The following MED30 variants were observed in gnomAD, a reference collection of about 807,000 sequenced individuals.
The protein encoded by MED30 is mediator complex subunit 30.
MED30 carries 8 observed loss-of-function variants against 21.7 expected under a neutral mutation model. The ratio of observed to expected loss-of-function variants is 0.37; its 90% CI spans 0.22 to 0.67. The LOEUF is 0.67. Ranked by LOEUF, MED30 falls within the 30% of genes least tolerant of loss-of-function variation. MED30 has a pLI of 0.58. For missense variants in MED30, 203 were observed against 228.2 expected (o/e 0.89, Z 0.71); for synonymous variants, 79 against 86.7 (o/e 0.91, Z 0.49).
chr8:117,524,261 A>G (rs1311418639), intron 1 of MED30, among the ~76,000 whole-genome samples: 1 of 152,136 alleles, frequency 6.6e-6, no homozygotes, highest in Non-Finnish European at 1.5e-5. Context: ...ATTCTTAACT[A>G]TATATAACCT....
intron 1 of MED30, among the ~76,000 whole-genome samples, chr8:117,524,721 A>G (rs1818693162): frequency 6.6e-6 from 1 of 152,184 alleles, no homozygotes; most frequent in Admixed American, 6.5e-5. Context: ...TCCTCTCCAC[A>G]GGCAGTGATT....
intron 1 of MED30, among the ~76,000 whole-genome samples, chr8:117,525,227 T>C (rs988409108): frequency 1.3e-5 from 2 of 152,154 alleles, no homozygotes; most frequent in South Asian, 2.1e-4. Context: ...AGGTGAAAAT[T>C]CTACTTTACA....
In MED30 at chr8:117,520,872, G is replaced by T; in HGVS notation, c.-5G>T. ...CCCCTTCCGGCCTGAAGCTGCAGCC[G>T]CGCCATGTCCACCCCTCCGTTGGCC... On this transcript the variant is annotated 5_prime_UTR_variant, in exon 1 of 4. Transcript: ENST00000297347. 1 of 1,585,668 alleles carries T rather than the reference G, an allele frequency of 6.3e-7. No homozygotes were observed. The highest frequency in any genetic ancestry group is 1.3e-5 in the African/African-American group (1 of 74,222).
intron 1 of MED30, among the ~76,000 whole-genome samples, chr8:117,527,903 G>A (rs890794053): frequency 2.6e-5 from 4 of 151,778 alleles, no homozygotes; most frequent in Admixed American, 2.0e-4. Flanking sequence ...GCAATGCAAA[G>A]TACATATTTA....
chr8:117,528,555 G>A, intron 1 of MED30, 96 bp from the exon 2 acceptor site: 3 of 1,074,754 alleles, frequency 2.8e-6, no homozygotes, highest in Non-Finnish European at 4.0e-6. Flanking sequence ...TCTATGCATT[G>A]CCTAAAAATT....
At chr8:117,523,413 T>C (rs1368712131) in intron 1 of MED30, 2 of 1,560,418 alleles carry the variant, frequency 1.3e-6, no homozygotes, top group African/African-American at 2.7e-5. Context: ...CTCTTGTGAG[T>C]CTTGCAGGTC....
At chr8:117,536,589 A>G (rs1198762947) in intron 3 of MED30, among the ~76,000 whole-genome samples, 1 of 152,244 alleles carries the variant, frequency 6.6e-6, no homozygotes, top group Non-Finnish European at 1.5e-5. Flanking sequence ...TAACAATACA[A>G]AAACCACCAA....
intron 1 of MED30, 32 bp from the exon 2 acceptor site, chr8:117,528,619 T>G: frequency 2.0e-6 from 3 of 1,528,694 alleles, no homozygotes; most frequent in Non-Finnish European, 2.6e-6. Flanking sequence ...TTTCATTACT[T>G]GATATTTTTA....
rs118078814 is a variant in MED30 at position 117,529,791 on chromosome 8, G to A, written c.337-932G>A. On this transcript the variant is annotated intron_variant, in intron 2 of 3. Transcript: ENST00000297347. ...ATAAAGGAAGAAAGCTGTAGGGAGA[G>A]GTTGAGAGAAAGGTGTATAAATAAT... 8.3e-3 allele frequency among the ~76,000 whole-genome samples: 1,269 copies of A among 151,980 alleles called. 7 individuals carry two copies. Among genetic ancestry groups the A allele is most frequent in the Admixed American group, 0.012 (187 of 15,260 alleles).
At chr8:117,536,815 G>A (rs1392123653) in intron 3 of MED30, among the ~76,000 whole-genome samples, 1 of 152,222 alleles carries the variant, frequency 6.6e-6, no homozygotes, top group Non-Finnish European at 1.5e-5. Flanking sequence ...GTGCAGGGGT[G>A]TCCAATCTTT....
At chr8:117,532,630 A>C (rs960988177) in intron 3 of MED30, among the ~76,000 whole-genome samples, 36 of 152,050 alleles carry the variant, frequency 2.4e-4, no homozygotes, top group South Asian at 2.1e-4. Context: ...TAAGACCTGC[A>C]AAACAAAATA....
chr8:117,525,432 T>TA (rs1052952320), intron 1 of MED30, among the ~76,000 whole-genome samples: 8 of 151,802 alleles, frequency 5.3e-5, no homozygotes, highest in African/African-American at 1.9e-4. Flanking sequence ...TGATACAACT[T>TA]AAAGTTATTT....
rs552492626 is a variant in MED30, at chr8:117,522,363, A to G, written c.177+1310A>G. 1.5e-4 allele frequency among the ~76,000 whole-genome samples: 23 copies of G among 152,316 alleles called. 1 individual carries two copies. In the South Asian group the frequency reaches 4.4e-3, roughly 29 times the overall value. ...TAGTTTTGTGAGTTTTTAAATATGT[A>G]TACATAGTGGCAGATACGGATCCAA... On this transcript the variant is annotated intron_variant, in intron 1 of 3. Transcript: ENST00000297347.
intron 3 of MED30, among the ~76,000 whole-genome samples, chr8:117,533,180 A>C (rs897277784): frequency 6.6e-6 from 1 of 152,050 alleles, no homozygotes; most frequent in African/African-American, 2.4e-5. Context: ...ATTTCTCTTC[A>C]ATTTTCATTA....
At chr8:117,528,459 A>G (rs116440127) in intron 1 of MED30, among the ~76,000 whole-genome samples, 192 bp from the exon 2 acceptor site, 1,614 of 152,104 alleles carry the variant, frequency 0.011, 34 homozygotes, top group African/African-American at 0.037. Flanking sequence ...GCAGTGAAAC[A>G]GGTATGCCAA....
chr8:117,539,341 C>T (rs546967114), intron 3 of MED30, among the ~76,000 whole-genome samples: 1 of 151,988 alleles, frequency 6.6e-6, no homozygotes, highest in Non-Finnish European at 1.5e-5. Flanking sequence ...TACAAAAAAA[C>T]TAGATGGGTG....
intron 1 of MED30, chr8:117,524,160 G>A (rs16889828): frequency 0.055 from 8,522 of 153,732 alleles, 486 homozygotes; most frequent in African/African-American, 0.15. Flanking sequence ...CACTCATCCA[G>A]GACCCTTTGG....
chr8:117,538,371 C>T (rs1818917405), intron 3 of MED30, among the ~76,000 whole-genome samples: 1 of 152,162 alleles, frequency 6.6e-6, no homozygotes, highest in African/African-American at 2.4e-5. Context: ...ATTAAAGTCT[C>T]TGTAAATTGA....
At chr8:117,523,522 C>G in intron 1 of MED30, 1 of 1,596,762 alleles carries the variant, frequency 6.3e-7, no homozygotes, top group Non-Finnish European at 8.6e-7. Context: ...AAGGTAATCA[C>G]AGAGATACTG....
Sources: allele counts gnomAD v4.1 joint callset (sites outside exome capture counted in the v4.1 genomes callset), GRCh38; gene constraint gnomAD v4.1.1; transcripts MANE v1.5; gene names NCBI Gene and HGNC (gene_info 2026-07-23, HGNC 2026-07-21).